Variants in MREG observed in about 807,000 individuals in gnomAD.
MREG encodes the protein dilute suppressor protein homolog.
A neutral mutation model predicts 28.5 loss-of-function variants in MREG; 31 were observed. The observed-to-expected ratio is 1.09, with a 90% CI of 0.82 to 1.47. The LOEUF (loss-of-function observed/expected upper bound fraction) is 1.47, where lower values mean the gene tolerates loss of function less well. MREG is among the 40% of genes most tolerant of loss of function. MREG has a pLI of 0.00. For missense variants in MREG, 256 were observed against 257.4 expected, an observed-to-expected ratio of 0.99 and a Z score of 0.04; for synonymous variants, 106 against 95.2, an observed-to-expected ratio of 1.11 and a Z score of -0.66.
At position 215,945,001 on chromosome 2, in the gene MREG, CA is replaced by C; in HGVS notation, c.511-5del. ...CATCAAGTGCAATGAGACGGTCCTG[CA>C]AAAACAAACAACAAACCAAAAAACT... On this transcript the variant is annotated splice_region_variant and splice_polypyrimidine_tract_variant and intron_variant, in intron 4 of 4. Transcript: ENST00000263268. 2 of 1,560,066 alleles carry C rather than the reference CA, an allele frequency of 1.3e-6. No homozygotes were observed. The highest frequency in any genetic ancestry group is 1.2e-5 in the South Asian group (1 of 85,210).
chr2:216,000,244 G>A (rs1693981610), intron 1 of MREG, among the ~76,000 whole-genome samples: 1 of 152,090 alleles, frequency 6.6e-6, no homozygotes, highest in Admixed American at 6.6e-5. Flanking sequence ...GGGCCAGACA[G>A]CCAGCTGACA....
intron 2 of MREG, among the ~76,000 whole-genome samples, chr2:215,972,606 A>C (rs1414513875): frequency 7.3e-6 from 1 of 137,366 alleles, no homozygotes; most frequent in Non-Finnish European, 1.5e-5. Flanking sequence ...ATAGAGTGAG[A>C]CTCTCTCCCA....
At chr2:215,962,517 A>G (rs766875057) in intron 2 of MREG, among the ~76,000 whole-genome samples, 4 of 152,344 alleles carry the variant, frequency 2.6e-5, no homozygotes, top group Non-Finnish European at 4.4e-5. Flanking sequence ...AGCAAAGACA[A>G]AGGATAATAT....
At position 216,013,372 on chromosome 2, in the gene MREG, C is replaced by T. The variant is rs1266860764; in HGVS notation, c.-45G>A. On this transcript the variant is annotated 5_prime_UTR_variant, in exon 1 of 5. Transcript: ENST00000263268. ...CGGCGCCGGAAGCCTGGGGCCGAGT[C>T]GCCGCGGCGAGCGATCGAGGCTGGG... 2.8e-6 allele frequency: 4 copies of T among 1,422,256 alleles called. No individual in the cohort carries two copies. The highest frequency in any genetic ancestry group is 2.8e-5 in the South Asian group (2 of 72,048). 88.1% of individuals were successfully genotyped at this position (1,422,256 alleles called of 1,614,324 possible). A position where few individuals can be genotyped will look rare whatever the true frequency, so the allele number is the denominator to read the frequency against.
intron 1 of MREG, among the ~76,000 whole-genome samples, chr2:216,030,936 TCTCTCTCTCTCTCTCTCTCTCA>T (rs1388769726): frequency 2.5e-5 from 1 of 40,476 alleles, no homozygotes; most frequent in Non-Finnish European, 6.1e-5. Flanking sequence ...ATTCTCTCTC[TCTCTCTCTCTCTCTCTCTCTCA>T]CACACACACA....
intron 2 of MREG, among the ~76,000 whole-genome samples, chr2:215,994,781 T>C (rs990847082): frequency 2.0e-5 from 3 of 152,138 alleles, no homozygotes; most frequent in South Asian, 2.1e-4. Context: ...AAAGTAAAGA[T>C]AAGTGGGAAG....
intron 1 of MREG, among the ~76,000 whole-genome samples, chr2:215,999,583 G>A (rs901083210): frequency 5.9e-5 from 9 of 152,200 alleles, no homozygotes; most frequent in African/African-American, 1.9e-4. Context: ...AGGAAAAATG[G>A]GGTTCTACTG....
intron 1 of MREG, among the ~76,000 whole-genome samples, chr2:216,028,924 G>GA (rs1322828405): frequency 6.6e-6 from 1 of 151,772 alleles, no homozygotes; most frequent in African/African-American, 2.4e-5. Context: ...TAAAAAGGAA[G>GA]AAAAAAATAA....
chr2:216,029,922 G>C (rs550560273), intron 1 of MREG, among the ~76,000 whole-genome samples: 1 of 152,154 alleles, frequency 6.6e-6, no homozygotes, highest in East Asian at 1.9e-4. Flanking sequence ...TGGCTGAGTC[G>C]TATCTCTTAT....
intron 1 of MREG, among the ~76,000 whole-genome samples, chr2:215,996,852 C>A (rs1693888660): frequency 6.6e-6 from 1 of 152,118 alleles, no homozygotes. Context: ...ACGACCTCAG[C>A]TCACTACAGC....
intron 1 of MREG, among the ~76,000 whole-genome samples, chr2:216,031,691 G>GAAAGAAAGAAAGAGAA (rs1473248845): frequency 2.1e-4 from 13 of 61,162 alleles, no homozygotes; most frequent in South Asian, 1.5e-3. Flanking sequence ...AAGAAAGAAA[G>GAAAGAAAGAAAGAGAA]AGAAAGAAAG....
intron 2 of MREG, among the ~76,000 whole-genome samples, chr2:215,977,594 A>T (rs1180842097): frequency 1.3e-5 from 2 of 152,202 alleles, no homozygotes; most frequent in African/African-American, 4.8e-5. Flanking sequence ...TCAGCACCAC[A>T]TTGCACTTAT....
chr2:216,030,954 TCTCACACACA>T (rs925489813), intron 1 of MREG, among the ~76,000 whole-genome samples: 2 of 109,472 alleles, frequency 1.8e-5, no homozygotes, highest in African/African-American at 8.4e-5. Context: ...TCTCTCTCTC[TCTCACACACA>T]CACACACACA....
At chr2:215,994,601 AGAAGAAGAG>A (rs1373599010) in intron 2 of MREG, among the ~76,000 whole-genome samples, 1 of 109,928 alleles carries the variant, frequency 9.1e-6, no homozygotes, top group Non-Finnish European at 2.2e-5. Context: ...AAGAAGAAGG[AGAAGAAGAG>A]GAAGAAGAAG....
At chr2:215,963,085 G>A (rs112908762) in intron 2 of MREG, among the ~76,000 whole-genome samples, 3 of 152,046 alleles carry the variant, frequency 2.0e-5, no homozygotes, top group Non-Finnish European at 2.9e-5. Flanking sequence ...CTGTGATCAC[G>A]CCACTGCACT....
chr2:215,953,068 T>A (rs1476398549), intron 2 of MREG, among the ~76,000 whole-genome samples: 2 of 152,168 alleles, frequency 1.3e-5, no homozygotes, highest in Non-Finnish European at 2.9e-5. Context: ...CCATGATTCA[T>A]CCCTTAAGGT....
At chr2:215,962,001 C>A (rs3770531) in intron 2 of MREG, among the ~76,000 whole-genome samples, 7,839 of 152,274 alleles carry the variant, frequency 0.051, 451 homozygotes, top group East Asian at 0.25. Context: ...ACATCCATAG[C>A]CTGGTTACTA....
chr2:216,030,163 G>T (rs568008015), intron 1 of MREG, among the ~76,000 whole-genome samples: 2 of 152,178 alleles, frequency 1.3e-5, no homozygotes, highest in Admixed American at 6.5e-5. Flanking sequence ...AGACAAATTT[G>T]TAAAAATATA....
At chr2:215,967,784 A>G (rs985509685) in intron 2 of MREG, among the ~76,000 whole-genome samples, 6 of 152,214 alleles carry the variant, frequency 3.9e-5, no homozygotes, top group Non-Finnish European at 8.8e-5. Flanking sequence ...CTGTGTTCCA[A>G]TAAAACTTTA....
Sources: gnomAD v4.1 joint callset for allele counts (sites outside exome capture counted in the v4.1 genomes callset) on GRCh38, gnomAD v4.1.1 for gene constraint, MANE v1.5 for transcripts, NCBI Gene and HGNC (gene_info 2026-07-23, HGNC 2026-07-21) for gene names.